Variants in NIBAN1 observed in about 807,000 individuals in gnomAD.
NIBAN1 encodes the protein protein Niban 1.
In NIBAN1, 81 loss-of-function variants were observed where a neutral mutation model predicts 75.1. The observed-to-expected ratio is 1.08, with a 90% CI of 0.90 to 1.30. The LOEUF is 1.30. Ranked by LOEUF, NIBAN1 falls within the 50% of genes most tolerant of loss-of-function variation. The pLI is 0.00. For synonymous variants in NIBAN1, 436 were observed against 424.8 expected (o/e 1.03, Z -0.32); for missense variants, 1,133 against 1,128.1 (o/e 1.00, Z -0.06).
At position 184,791,126 on chromosome 1, in the gene NIBAN1, G is replaced by A. The variant is rs540466697; in HGVS notation, c.*3851C>T. The A allele has an allele frequency of 3.3e-4, 146 of 448,212 alleles. 1 individual carries two copies. The highest frequency in any genetic ancestry group is 1.7e-3 in the African/African-American group (82 of 49,096). 27.8% of individuals were successfully genotyped at this position (448,212 alleles called of 1,614,324 possible). A position where few individuals can be genotyped will look rare whatever the true frequency, so the allele number is the denominator to read the frequency against. ...AGTTTATTTGCTTTATATAGTGACC[G>A]GGAAAGTCAATCCACAGTGTCGATT... On this transcript the variant is annotated 3_prime_UTR_variant, in exon 14 of 14. Coordinates refer to ENST00000367511, the MANE Select transcript of NIBAN1 (RefSeq NM_052966.4).
At position 184,805,986 on chromosome 1, in the gene NIBAN1, G is replaced by A; in HGVS notation, c.1406C>T (p.Thr469Ile). ...SPHLQGEASK[T>I]AVAIEKVKLR... ...TTTAACCTTCTCAATGGCAACTGCA[G>A]TTTTGGAGGCCTCTCCTTGGAGATG... is the stretch of plus-strand genomic sequence containing the variant. Residue 469 changes from threonine to isoleucine, a missense_variant, in exon 11 of 14, where the codon ACT (threonine) becomes ATT (isoleucine). By Grantham distance (89) the Thr-to-Ile change is moderately conservative (BLOSUM62 -1). Coordinates refer to ENST00000367511, the MANE Select transcript of NIBAN1 (RefSeq NM_052966.4). The A allele has an allele frequency of 5.0e-6, 8 of 1,614,214 alleles. No homozygotes were observed. Among genetic ancestry groups the A allele is most frequent in the Non-Finnish European group, 6.8e-6 (8 of 1,180,024 alleles).
At chr1:184,966,787 GA>G (rs558112258) in intron 1 of NIBAN1, among the ~76,000 whole-genome samples, 143 of 151,528 alleles carry the variant, frequency 9.4e-4, no homozygotes, top group African/African-American at 3.2e-3. Context: ...AAAGGAAAAA[GA>G]AAAAAAACCA....
At chr1:184,926,208 A>G (rs1657680630) in intron 1 of NIBAN1, among the ~76,000 whole-genome samples, 1 of 151,998 alleles carries the variant, frequency 6.6e-6, no homozygotes, top group Non-Finnish European at 1.5e-5. Context: ...TGCCAGACAT[A>G]TTGGAGCTCC....
At chr1:184,866,048 A>G (rs1352526269) in intron 5 of NIBAN1, among the ~76,000 whole-genome samples, 1 of 152,104 alleles carries the variant, frequency 6.6e-6, no homozygotes, top group African/African-American at 2.4e-5. Flanking sequence ...ATGCTCCTTT[A>G]TTCAGTTAAA....
intron 1 of NIBAN1, among the ~76,000 whole-genome samples, chr1:184,964,951 GAACAGCTACT>G (rs1557933774): frequency 1.3e-5 from 2 of 152,128 alleles, no homozygotes. Flanking sequence ...AGTATCAATG[GAACAGCTACT>G]AACATCACAA....
intron 1 of NIBAN1, among the ~76,000 whole-genome samples, chr1:184,915,324 T>C (rs111880660): frequency 0.021 from 3,179 of 152,342 alleles, 61 homozygotes; most frequent in Middle Eastern, 0.054. Flanking sequence ...TCAATAGCAT[T>C]GTAATGAAGA....
intron 9 of NIBAN1, 110 bp downstream of exon 9, chr1:184,818,528 T>C: frequency 1.8e-6 from 2 of 1,090,618 alleles, no homozygotes; most frequent in Admixed American, 2.4e-5. Context: ...GGCAGAAGAA[T>C]GGAAGGAAGG....
chr1:184,943,764 T>A (rs1658154453), intron 1 of NIBAN1, among the ~76,000 whole-genome samples: 1 of 152,168 alleles, frequency 6.6e-6, no homozygotes, highest in African/African-American at 2.4e-5. Flanking sequence ...AAATCTTTGC[T>A]CATATAAGTG....
chr1:184,929,731 A>G (rs1279380459), intron 1 of NIBAN1, among the ~76,000 whole-genome samples: 3 of 152,230 alleles, frequency 2.0e-5, no homozygotes, highest in Non-Finnish European at 4.4e-5. Context: ...TGTAACAATA[A>G]AACAAGAACT....
At chr1:184,899,043 T>G (rs1293430010) in intron 2 of NIBAN1, 136 bp downstream of exon 2, 7 of 953,052 alleles carry the variant, frequency 7.3e-6, no homozygotes, top group Non-Finnish European at 1.1e-5. Flanking sequence ...GCAAATAGAG[T>G]TTTTTGAGCA....
intron 1 of NIBAN1, among the ~76,000 whole-genome samples, chr1:184,925,599 T>C (rs997244329): frequency 2.0e-5 from 3 of 152,070 alleles, no homozygotes; most frequent in East Asian, 3.8e-4. Flanking sequence ...TATTTGAGGC[T>C]ACCATGAGGC....
At chr1:184,901,065 C>A (rs1357125743) in intron 1 of NIBAN1, among the ~76,000 whole-genome samples, 1 of 152,138 alleles carries the variant, frequency 6.6e-6, no homozygotes, top group East Asian at 1.9e-4. Flanking sequence ...TCCATAGCAA[C>A]CCGTTTCTAA....
intron 5 of NIBAN1, among the ~76,000 whole-genome samples, chr1:184,865,443 G>A (rs1040364342): frequency 3.3e-5 from 5 of 151,910 alleles, no homozygotes; most frequent in South Asian, 4.1e-4. Context: ...AACAATACAC[G>A]GGACTATAGA....
At chr1:184,899,588 A>G (rs1656892615) in intron 1 of NIBAN1, among the ~76,000 whole-genome samples, 1 of 152,046 alleles carries the variant, frequency 6.6e-6, no homozygotes, top group East Asian at 1.9e-4. Flanking sequence ...TAAGGACTAA[A>G]TCCCGTAACC....
At chr1:184,927,442 G>C (rs1487828514) in intron 1 of NIBAN1, among the ~76,000 whole-genome samples, 1 of 152,192 alleles carries the variant, frequency 6.6e-6, no homozygotes, top group Non-Finnish European at 1.5e-5. Flanking sequence ...ATAAGATCCA[G>C]AAAAATTTCC....
intron 1 of NIBAN1, among the ~76,000 whole-genome samples, chr1:184,903,184 A>C (rs1183620471): frequency 6.6e-6 from 1 of 152,248 alleles, no homozygotes; most frequent in Non-Finnish European, 1.5e-5. Flanking sequence ...TCAATAATGG[A>C]AGGACTAAAA....
At chr1:184,831,799 C>T (rs1655006370) in intron 6 of NIBAN1, 48 bp downstream of exon 6, 4 of 1,347,190 alleles carry the variant, frequency 3.0e-6, no homozygotes, top group Non-Finnish European at 4.2e-6. Context: ...TCGTATCACC[C>T]AAATACCCAA....
chr1:184,885,932 T>C (rs1209837817), intron 4 of NIBAN1, among the ~76,000 whole-genome samples: 1 of 152,190 alleles, frequency 6.6e-6, no homozygotes, highest in Non-Finnish European at 1.5e-5. Flanking sequence ...CTTTATTGGT[T>C]CCTCTGCTGA....
intron 3 of NIBAN1, among the ~76,000 whole-genome samples, chr1:184,892,328 T>C (rs1656688872): frequency 1.3e-5 from 2 of 152,260 alleles, no homozygotes; most frequent in South Asian, 2.1e-4. Context: ...TCAAGATTTA[T>C]AGCTTAGGCA....
Sources: gnomAD v4.1 joint callset for allele counts (sites outside exome capture counted in the v4.1 genomes callset) on GRCh38, gnomAD v4.1.1 for gene constraint, MANE v1.5 for transcripts, NCBI Gene and HGNC (gene_info 2026-07-23, HGNC 2026-07-21) for gene names.